BRD8: variants seen among roughly 807,000 people sequenced by gnomAD.
The protein encoded by BRD8 is bromodomain-containing protein 8.
BRD8 carries 67 observed loss-of-function variants against 143.1 expected under a neutral mutation model. The ratio of observed to expected loss-of-function variants is 0.47; its 90% CI spans 0.38 to 0.57. The LOEUF (loss-of-function observed/expected upper bound fraction) is 0.57. Among genes scored for constraint, BRD8 ranks in the 20% least tolerant of loss-of-function variants. The pLI is 0.00. For synonymous variants in BRD8, 505 were observed against 517.1 expected (o/e 0.98, Z 0.32); for missense variants, 1,103 against 1,503.0 (o/e 0.73, Z 4.40).
In BRD8 at chr5:138,157,166, CTT is replaced by C. The variant is rs753221957; in HGVS notation, c.2577+2387_2577+2388del. 4.3e-6 allele frequency: 7 copies of C among 1,609,476 alleles called. No homozygotes were observed. The Admixed American group carries it at 1.2e-4, about 27-fold the overall frequency. ...GCAAGCCCAAGCTCTATCTTGTTTA[CTT>C]TTATTTTAGGTTCGGCTCAAAGAGG... On this transcript the variant is annotated intron_variant, in intron 20 of 26. Transcript: ENST00000254900.
chr5:138,176,190 T>C (rs1754319513), intron 2 of BRD8, among the ~76,000 whole-genome samples: 2 of 151,676 alleles, frequency 1.3e-5, no homozygotes, highest in African/African-American at 4.9e-5. Context: ...TACATAAGAA[T>C]GAACCTTAAA....
chr5:138,171,616 T>G (rs1753870859), intron 3 of BRD8, among the ~76,000 whole-genome samples: 1 of 152,212 alleles, frequency 6.6e-6, no homozygotes, highest in Non-Finnish European at 1.5e-5. Flanking sequence ...TCTTATGGAC[T>G]GGAGTTTGTG....
At chr5:138,167,091 CAAAAAAAAAAAA>C (rs60506064) in intron 9 of BRD8, 19 of 36,914 alleles carry the variant, frequency 5.1e-4, no homozygotes, top group South Asian at 2.9e-3. Flanking sequence ...ACTAAAAATA[CAAAAAAAAAAAA>C]AAAAAAAAAA....
At chr5:138,163,048 G>A in intron 15 of BRD8, 82 bp downstream of exon 15, 5 of 131,090 alleles carry the variant, frequency 3.8e-5, no homozygotes, top group Non-Finnish European at 5.2e-5. Context: ...AAAGAGAAAA[G>A]ACAGGAAGGA....
At chr5:138,170,009 A>G (rs987060662) in intron 7 of BRD8, among the ~76,000 whole-genome samples, 5 of 152,214 alleles carry the variant, frequency 3.3e-5, no homozygotes, top group African/African-American at 4.8e-5. Context: ...GGCGCACAGC[A>G]TGTATTCCTA....
intron 8 of BRD8, 90 bp from the exon 9 acceptor site, chr5:138,168,168 T>C (rs1753595233): frequency 1.1e-6 from 1 of 889,840 alleles, no homozygotes; most frequent in Non-Finnish European, 1.8e-6. Context: ...TCAAACTTCA[T>C]GAAAACTAAT....
Position 138,150,930 on chromosome 5 carries a change from G to A in BRD8, c.2935C>T (p.Gln979Ter), listed in dbSNP as rs111351758. ...CTAGCTTTAATTTCCCTTCCTTCTTGTCTGGTACCAGATGGAGGGCAGCAG... is the reference window on the plus strand; with the variant it reads ...CTAGCTTTAATTTCCCTTCCTTCTTATCTGGTACCAGATGGAGGGCAGCAG... ...EGCCPPSGTR[Q>*]EGREIKASEG... is the part of the protein sequence containing the mutation. The change falls in exon 22 of 27, where the codon CAA becomes TAA. Residue 979 changes from glutamine to a stop codon, truncating the protein, a stop_gained. Transcript: ENST00000254900. LOFTEE classifies it high-confidence loss of function. 2.5e-6 allele frequency: 4 copies of A among 1,613,906 alleles called. No individual in the cohort carries two copies. Among genetic ancestry groups the A allele is most frequent in the Non-Finnish European group, 3.4e-6 (4 of 1,180,036 alleles).
intron 20 of BRD8, among the ~76,000 whole-genome samples, chr5:138,153,909 CAG>C (rs757508369): frequency 3.9e-5 from 6 of 152,026 alleles, no homozygotes; most frequent in Non-Finnish European, 7.4e-5. Flanking sequence ...CTTCTGACCT[CAG>C]GGGATCCACC....
intron 25 of BRD8, 79 bp downstream of exon 25, chr5:138,145,098 T>C: frequency 7.1e-7 from 1 of 1,406,734 alleles, no homozygotes; most frequent in Non-Finnish European, 9.8e-7. Context: ...GTTATAAAAA[T>C]AATCTAACAG....
intron 21 of BRD8, among the ~76,000 whole-genome samples, chr5:138,151,995 C>T (rs1041319739): frequency 6.6e-6 from 1 of 152,228 alleles, no homozygotes; most frequent in African/African-American, 2.4e-5. Flanking sequence ...GCTGGGATTA[C>T]AGGCGCCCGC....
At chr5:138,167,875 G>A in intron 9 of BRD8, 59 bp downstream of exon 9, 1 of 1,468,196 alleles carries the variant, frequency 6.8e-7, no homozygotes, top group Non-Finnish European at 9.5e-7. Context: ...GTGAAACTGA[G>A]GTCAGTCAAT....
chr5:138,174,752 T>C (rs1754179716), intron 2 of BRD8, among the ~76,000 whole-genome samples: 1 of 152,070 alleles, frequency 6.6e-6, no homozygotes, highest in Admixed American at 6.6e-5. Flanking sequence ...AACCATAAGA[T>C]AACCAGAAGA....
chr5:138,145,646 G>T lies in BRD8; in HGVS notation c.3368+143C>A, dbSNP rs865807561. 63 of 681,796 alleles carry T rather than the reference G, an allele frequency of 9.2e-5. No individual in the cohort carries two copies. The Middle Eastern group carries it at 8.5e-3, about 92-fold the overall frequency. The allele number at this position is 681,796 out of a possible 1,614,324, so 42.2% of individuals were successfully genotyped here. On this transcript the variant is annotated intron_variant, in intron 24 of 26. Transcript: ENST00000254900. ...TGTGAAAGCAGCTGTGGGTACTTTG[G>T]GATAAATCGGGCTTAGATACAGAAT...
At chr5:138,167,428 G>C (rs1581444195) in intron 9 of BRD8, among the ~76,000 whole-genome samples, 2 of 152,042 alleles carry the variant, frequency 1.3e-5, no homozygotes, top group African/African-American at 4.8e-5. Flanking sequence ...TACCAATAAG[G>C]TTTGTATGGT....
intron 25 of BRD8, among the ~76,000 whole-genome samples, chr5:138,144,501 T>G (rs1320416205): frequency 6.6e-6 from 1 of 152,222 alleles, no homozygotes; most frequent in Non-Finnish European, 1.5e-5. Context: ...TGGATCGACA[T>G]CTGTGCCTTA....
At chr5:138,168,340 AT>A in intron 8 of BRD8, 1 of 742,564 alleles carries the variant, frequency 1.3e-6, no homozygotes, top group East Asian at 2.6e-5. Context: ...TTTTTAAAAA[AT>A]TAACATTTAA....
Position 138,165,724 on chromosome 5 carries a change from TCCAAAA to T in BRD8, c.1278+98_1278+103del. 16 of 1,101,978 alleles carry T rather than the reference TCCAAAA, an allele frequency of 1.5e-5. No individual in the cohort carries two copies. The African/African-American group carries it at 3.4e-4, about 23-fold the overall frequency. The allele number at this position is 1,101,978 out of a possible 1,614,324, so 68.3% of individuals were successfully genotyped here. ...CTGGATGAAAGAGCAAGACTCTGTC[TCCAAAA>T]AAAAAAAAAAAAAAGCAGCAGCAGC... On this transcript the variant is annotated intron_variant, in intron 11 of 26. Coordinates refer to ENST00000254900, the MANE Select transcript of BRD8 (RefSeq NM_139199.2).
chr5:138,168,175 T>G (rs943466141), intron 8 of BRD8, 97 bp from the exon 9 acceptor site: 1 of 822,674 alleles, frequency 1.2e-6, no homozygotes, highest in African/African-American at 1.7e-5. Flanking sequence ...TCATGAAAAC[T>G]AATAGCTAAT....
chr5:138,164,202 C>A (rs372256496), intron 13 of BRD8, 69 bp from the exon 14 acceptor site: 15 of 1,585,256 alleles, frequency 9.5e-6, no homozygotes, highest in Admixed American at 1.7e-5. Context: ...GGACCATAAT[C>A]CCCTGCAGCT....
Sources: gnomAD v4.1 joint callset for allele counts (sites outside exome capture counted in the v4.1 genomes callset) on GRCh38, gnomAD v4.1.1 for gene constraint, MANE v1.5 for transcripts, NCBI Gene and HGNC (gene_info 2026-07-23, HGNC 2026-07-21) for gene names.